Variants in ARHGAP12 observed in about 807,000 individuals in gnomAD.
ARHGAP12 encodes Rho GTPase activating protein 12.
ARHGAP12 carries 64 observed loss-of-function variants against 108.6 expected under a neutral mutation model. That is an observed-to-expected ratio of 0.59 (90% confidence interval 0.48 to 0.73). The LOEUF is 0.73. Among genes scored for constraint, ARHGAP12 ranks in the 30% least tolerant of loss-of-function variants. The pLI, the probability that ARHGAP12 is intolerant of heterozygous loss-of-function variation, is 0.00. For synonymous variants in ARHGAP12, 312 were observed against 337.2 expected, an observed-to-expected ratio of 0.93 and a Z score of 0.82; for missense variants, 940 against 1,005.9, an observed-to-expected ratio of 0.93 and a Z score of 0.89.
chr10:31,900,149 A>C (rs911380486), intron 3 of ARHGAP12, among the ~76,000 whole-genome samples: 10 of 152,352 alleles, frequency 6.6e-5, no homozygotes, highest in African/African-American at 2.4e-4. Flanking sequence ...TAGGAAATAC[A>C]AACTAAAACA....
At chr10:31,877,011 C>T (rs1837757283) in intron 3 of ARHGAP12, among the ~76,000 whole-genome samples, 1 of 152,228 alleles carries the variant, frequency 6.6e-6, no homozygotes. Context: ...TCACTTGAGA[C>T]ATGTGTCAGC....
In ARHGAP12 at chr10:31,908,386, C is replaced by G; in HGVS notation, c.470G>C (p.Gly157Ala). The part of the protein sequence containing the change: ...NLSLDLTHNN[G>A]KFNNDSHSPK... Reference sequence around the variant, plus strand: ...AGAATGTGAGTCATTGTTAAACTTTCCGTTATTATGGGTCAGGTCCAGGCT... The same window carrying G: ...AGAATGTGAGTCATTGTTAAACTTTGCGTTATTATGGGTCAGGTCCAGGCT... The change falls in exon 3 of 20, where the codon GGA becomes GCA. Residue 157 changes from glycine to alanine, a missense_variant. Transcript: ENST00000344936. The G allele has an allele frequency of 6.2e-7, 1 of 1,614,196 alleles. No homozygotes were observed. Among genetic ancestry groups the G allele is most frequent in the African/African-American group, 1.3e-5 (1 of 75,058 alleles).
intron 12 of ARHGAP12, 32 bp downstream of exon 12, chr10:31,820,355 G>A (rs781538468): frequency 2.0e-6 from 3 of 1,519,426 alleles, no homozygotes; most frequent in Admixed American, 3.8e-5. Flanking sequence ...CTACAGTTTA[G>A]AATGTGTTAT....
chr10:31,852,659 TATCA>T lies in ARHGAP12; in HGVS notation c.1090-66_1090-63del, dbSNP rs964506919. 12 of 1,002,780 alleles carry T rather than the reference TATCA, an allele frequency of 1.2e-5. No homozygotes were observed. In the African/African-American group the frequency reaches 1.9e-4, roughly 16 times the overall value. The allele number at this position is 1,002,780 out of a possible 1,614,324, so 62.1% of individuals were successfully genotyped here. On this transcript the variant is annotated intron_variant, in intron 5 of 19. Coordinates refer to ENST00000344936, the MANE Select transcript of ARHGAP12 (RefSeq NM_018287.7). ...AATAAAAGTGAGTTTAAGCTACTAC[TATCA>T]GAGATACTAGATTTAATTCTTATGA...
At chr10:31,899,906 CAA>C (rs1838850402) in intron 3 of ARHGAP12, among the ~76,000 whole-genome samples, 1 of 152,138 alleles carries the variant, frequency 6.6e-6, no homozygotes, top group African/African-American at 2.4e-5. Flanking sequence ...TTTTGCTCTA[CAA>C]AAGTCACTGT....
intron 14 of ARHGAP12, among the ~76,000 whole-genome samples, chr10:31,814,007 T>A (rs1051340341): frequency 7.9e-5 from 12 of 152,182 alleles, no homozygotes; most frequent in Non-Finnish European, 1.3e-4. Context: ...GCACTATACT[T>A]CTTCTCTGAA....
At chr10:31,915,179 G>C (rs1019579126) in intron 1 of ARHGAP12, among the ~76,000 whole-genome samples, 2 of 152,110 alleles carry the variant, frequency 1.3e-5, no homozygotes, top group Non-Finnish European at 1.5e-5. Context: ...CTGAGGTCGG[G>C]GGTTCGAGAC....
At position 31,906,070 on chromosome 10, in the gene ARHGAP12, G is replaced by A. The variant is rs145645589; in HGVS notation, c.684+2102C>T. Among the ~76,000 whole-genome samples the A allele has an allele frequency of 1.8e-3, 280 of 152,158 alleles. 1 individual carries two copies. The highest frequency in any genetic ancestry group is 6.2e-3 in the African/African-American group (257 of 41,484). Reference sequence around the variant, plus strand: ...TAAAGGACAATGCAGTGTCTACCACGTTCTCTCTGCTCCATCTGAAGAAAA... The same window carrying A: ...TAAAGGACAATGCAGTGTCTACCACATTCTCTCTGCTCCATCTGAAGAAAA... On this transcript the variant is annotated intron_variant, in intron 3 of 19. Transcript: ENST00000344936.
chr10:31,914,771 C>T (rs1340211909), intron 1 of ARHGAP12, among the ~76,000 whole-genome samples: 3 of 152,096 alleles, frequency 2.0e-5, no homozygotes, highest in African/African-American at 7.2e-5. Flanking sequence ...CTATATGATC[C>T]ACCAATTCCA....
intron 11 of ARHGAP12, among the ~76,000 whole-genome samples, chr10:31,824,218 CTG>C (rs1835516951): frequency 6.6e-6 from 1 of 152,240 alleles, no homozygotes; most frequent in Non-Finnish European, 1.5e-5. Context: ...TAAGAATTGA[CTG>C]TACAACCAAG....
intron 3 of ARHGAP12, among the ~76,000 whole-genome samples, chr10:31,892,404 G>A (rs1192159077): frequency 6.6e-6 from 1 of 152,086 alleles, no homozygotes; most frequent in Non-Finnish European, 1.5e-5. Context: ...CAAAATAAAG[G>A]GATGGAGGAA....
At chr10:31,851,302 G>T (rs1268482274) in intron 6 of ARHGAP12, among the ~76,000 whole-genome samples, 1 of 152,128 alleles carries the variant, frequency 6.6e-6, no homozygotes, top group East Asian at 1.9e-4. Flanking sequence ...TACGTAAAAT[G>T]TGAGATAAAG....
intron 10 of ARHGAP12, among the ~76,000 whole-genome samples, chr10:31,830,814 T>C (rs777659127): frequency 4.6e-5 from 7 of 152,326 alleles, no homozygotes; most frequent in Middle Eastern, 3.4e-3. Flanking sequence ...TATGATACTG[T>C]AACCTATTAA....
In ARHGAP12 at chr10:31,812,761, ACTT is replaced by A; in HGVS notation, c.1894_1896del (p.Lys632del). 6.2e-7 allele frequency: 1 copy of A among 1,609,164 alleles called. No homozygotes were observed. The highest frequency in any genetic ancestry group is 8.5e-7 in the Non-Finnish European group (1 of 1,178,684). ...TGCAAAGTGGGGCGTCGTGTAAGAA[ACTT>A]CTTTAAGTTTTTCTTGGTTTTTTTC... On this transcript the variant is annotated inframe_deletion, in exon 15 of 20. Coordinates refer to ENST00000344936, the MANE Select transcript of ARHGAP12 (RefSeq NM_018287.7).
intron 7 of ARHGAP12, 21 bp downstream of exon 7, chr10:31,843,440 C>T: frequency 3.1e-6 from 5 of 1,604,598 alleles, no homozygotes; most frequent in Non-Finnish European, 3.4e-6. Flanking sequence ...AAGAACTTGC[C>T]AAAAATCTCA....
intron 6 of ARHGAP12, among the ~76,000 whole-genome samples, chr10:31,847,019 T>C (rs1836487209): frequency 6.6e-6 from 1 of 151,768 alleles, no homozygotes; most frequent in Non-Finnish European, 1.5e-5. Context: ...CATTCCATTA[T>C]TGAGCCATCC....
intron 8 of ARHGAP12, 98 bp from the exon 9 acceptor site, chr10:31,839,417 G>A: frequency 1.5e-6 from 2 of 1,301,476 alleles, no homozygotes; most frequent in South Asian, 2.9e-5. Context: ...TAAAAATATG[G>A]TATATAATTT....
At chr10:31,817,596 A>G (rs1015037570) in intron 13 of ARHGAP12, among the ~76,000 whole-genome samples, 192 bp downstream of exon 13, 2 of 152,236 alleles carry the variant, frequency 1.3e-5, no homozygotes, top group Non-Finnish European at 2.9e-5. Context: ...CAAACATCAC[A>G]TAAGTGAGAA....
intron 3 of ARHGAP12, among the ~76,000 whole-genome samples, chr10:31,895,360 G>T (rs1485714786): frequency 6.6e-6 from 1 of 152,100 alleles, no homozygotes; most frequent in African/African-American, 2.4e-5. Context: ...TCTGACAAAC[G>T]GCTAATATCC....
Sources: gnomAD v4.1 joint callset for allele counts (sites outside exome capture counted in the v4.1 genomes callset) on GRCh38, gnomAD v4.1.1 for gene constraint, MANE v1.5 for transcripts, NCBI Gene and HGNC (gene_info 2026-07-23, HGNC 2026-07-21) for gene names.